The following KHDRBS2 variants were observed in gnomAD, a reference collection of about 807,000 sequenced individuals.
KHDRBS2 encodes KH domain-containing, RNA-binding, signal transduction-associated protein 2.
KHDRBS2 carries 26 observed loss-of-function variants against 44.3 expected under a neutral mutation model. The observed-to-expected ratio is 0.59, with a 90% CI of 0.43 to 0.81. The LOEUF is 0.81. KHDRBS2 is among the 40% of genes least tolerant of loss of function. The probability of loss-of-function intolerance (pLI) is 0.00; values close to 1 mark genes in which losing one functional copy is unlikely to be tolerated. For synonymous variants in KHDRBS2, 194 were observed against 151.1 expected (o/e 1.28, Z -2.08); for missense variants, 476 against 433.1 (o/e 1.10, Z -0.88).
intron 4 of KHDRBS2, among the ~76,000 whole-genome samples, chr6:61,937,378 C>G (rs1811224710): frequency 6.6e-6 from 1 of 151,826 alleles, no homozygotes; most frequent in Admixed American, 6.6e-5. Flanking sequence ...TTAAATTCTT[C>G]TTGTACATAG....
intron 6 of KHDRBS2, among the ~76,000 whole-genome samples, chr6:61,824,626 C>T (rs1264115199): frequency 6.6e-6 from 1 of 152,092 alleles, no homozygotes; most frequent in East Asian, 1.9e-4. Flanking sequence ...CATGGAAAAA[C>T]ATGCATTTTA....
intron 3 of KHDRBS2, among the ~76,000 whole-genome samples, chr6:61,988,295 T>C (rs1362537697): frequency 6.6e-6 from 1 of 152,194 alleles, no homozygotes; most frequent in Non-Finnish European, 1.5e-5. Context: ...TACAGAAAAG[T>C]TGATAGGTCT....
chr6:61,571,084 A>C, the KHDRBS2 span, among the ~76,000 whole-genome samples: 2 of 152,146 alleles, frequency 1.3e-5, no homozygotes, highest in South Asian at 4.1e-4. Flanking sequence ...ACAAACATTG[A>C]ATATAAATGG....
chr6:61,667,603 G>A, the KHDRBS2 span, among the ~76,000 whole-genome samples: 1 of 151,240 alleles, frequency 6.6e-6, no homozygotes, highest in African/African-American at 2.4e-5. Context: ...CTGCTTTTCT[G>A]CAAAATATTT....
At chr6:61,852,120 G>A (rs113487167) in intron 6 of KHDRBS2, among the ~76,000 whole-genome samples, 1 of 152,054 alleles carries the variant, frequency 6.6e-6, no homozygotes, top group Non-Finnish European at 1.5e-5. Context: ...TACTCGGGAG[G>A]CTGAGGCAGG....
intron 2 of KHDRBS2, among the ~76,000 whole-genome samples, chr6:62,086,653 T>A (rs1340186414): frequency 2.0e-5 from 3 of 152,094 alleles, no homozygotes; most frequent in Non-Finnish European, 2.9e-5. Flanking sequence ...CTGTTCAGGA[T>A]AAAGGAGAGA....
chr6:62,026,710 G>T (rs973271626), intron 3 of KHDRBS2, among the ~76,000 whole-genome samples: 2 of 151,856 alleles, frequency 1.3e-5, no homozygotes, highest in African/African-American at 2.4e-5. Context: ...GAGCCCCCAA[G>T]CCCAGTGCTT....
intron 7 of KHDRBS2, among the ~76,000 whole-genome samples, chr6:61,699,360 T>C (rs1463049436): frequency 6.6e-6 from 1 of 152,060 alleles, no homozygotes; most frequent in Non-Finnish European, 1.5e-5. Context: ...GATGATACAT[T>C]ATATTTTCCT....
intron 6 of KHDRBS2, among the ~76,000 whole-genome samples, chr6:61,805,750 C>T (rs1787052177): frequency 6.6e-6 from 1 of 152,160 alleles, no homozygotes; most frequent in South Asian, 2.1e-4. Flanking sequence ...AGAACTCACA[C>T]ACTATCATGA....
intron 4 of KHDRBS2, among the ~76,000 whole-genome samples, chr6:61,913,275 T>C (rs1583476266): frequency 6.6e-6 from 1 of 152,156 alleles, no homozygotes; most frequent in South Asian, 2.1e-4. Context: ...TTTTAATCAA[T>C]ATCTAGATAC....
intron 2 of KHDRBS2, among the ~76,000 whole-genome samples, chr6:62,053,964 T>A (rs1226362027): frequency 6.6e-6 from 1 of 151,998 alleles, no homozygotes; most frequent in Non-Finnish European, 1.5e-5. Context: ...TATAGGAATT[T>A]TAAAAACTAG....
intron 2 of KHDRBS2, among the ~76,000 whole-genome samples, chr6:62,065,553 T>A (rs1048093593): frequency 2.1e-5 from 3 of 145,872 alleles, no homozygotes; most frequent in African/African-American, 7.6e-5. Flanking sequence ...AAACACCGCA[T>A]ATTCTCACTC....
At chr6:61,628,900 G>T in the KHDRBS2 span, among the ~76,000 whole-genome samples, 52 of 152,280 alleles carry the variant, frequency 3.4e-4, no homozygotes, top group African/African-American at 1.2e-3. Context: ...AAGGACATAT[G>T]TAATAGATGC....
chr6:61,881,078 T>C (rs2151967), intron 6 of KHDRBS2, among the ~76,000 whole-genome samples: 62,665 of 151,554 alleles, frequency 0.41, 13,168 homozygotes, highest in Admixed American at 0.49. Context: ...ACCTCGTGGG[T>C]ATATGTACTT....
intron 1 of KHDRBS2, among the ~76,000 whole-genome samples, chr6:62,250,297 A>G (rs1836301229): frequency 6.6e-6 from 1 of 152,138 alleles, no homozygotes; most frequent in South Asian, 2.1e-4. Context: ...AAATAATACC[A>G]TAAAATGACA....
chr6:62,075,786 C>A (rs749402395), intron 2 of KHDRBS2, among the ~76,000 whole-genome samples: 6 of 151,562 alleles, frequency 4.0e-5, no homozygotes, highest in Non-Finnish European at 8.8e-5. Context: ...AACACTCAGC[C>A]TCTGTAGGTA....
intron 7 of KHDRBS2, among the ~76,000 whole-genome samples, chr6:61,714,622 C>T (rs921578198): frequency 6.6e-6 from 1 of 151,844 alleles, no homozygotes; most frequent in African/African-American, 2.4e-5. Flanking sequence ...GCACTATTCA[C>T]TATAGCAAAG....
At chr6:62,198,391 T>A (rs1826142109) in intron 1 of KHDRBS2, among the ~76,000 whole-genome samples, 1 of 152,026 alleles carries the variant, frequency 6.6e-6, no homozygotes, top group South Asian at 2.1e-4. Flanking sequence ...CAATAAAAAA[T>A]GATAAAGAGG....
rs550215734 is a variant in KHDRBS2 at position 61,881,999 on chromosome 6, C to G, written c.810+12636G>C. 2.5e-4 allele frequency among the ~76,000 whole-genome samples: 38 copies of G among 152,088 alleles called. No individual in the cohort carries two copies. In the South Asian group the frequency reaches 7.3e-3, roughly 29 times the overall value. On this transcript the variant is annotated intron_variant, in intron 6 of 8. Coordinates refer to ENST00000281156, the MANE Select transcript of KHDRBS2 (RefSeq NM_152688.4). ...TGGGCTAAATTACAACAAAGGGCAT[C>G]AGCTTTTATTTTCAAATAGTTTACA... is the stretch of plus-strand genomic sequence containing the variant.
Sources: allele counts gnomAD v4.1 joint callset (sites outside exome capture counted in the v4.1 genomes callset), GRCh38; gene constraint gnomAD v4.1.1; transcripts MANE v1.5; gene names NCBI Gene and HGNC (gene_info 2026-07-23, HGNC 2026-07-21).